The following TARBP1 variants were observed in gnomAD, a reference collection of about 807,000 sequenced individuals.
TARBP1 encodes the protein tRNA guanosine 2 -O-methyltransferase TARBP1, also known as tRNA (guanosine(18)-2'-O)-methyltransferase TARBP1.
A neutral mutation model predicts 178.6 loss-of-function variants in TARBP1; 144 were observed. The ratio of observed to expected loss-of-function variants is 0.81; its 90% CI spans 0.70 to 0.93. The LOEUF (loss-of-function observed/expected upper bound fraction) is 0.93. Ranked by LOEUF, TARBP1 falls within the 40% of genes least tolerant of loss-of-function variation. The probability of loss-of-function intolerance (pLI) is 0.00; values close to 1 mark genes in which losing one functional copy is unlikely to be tolerated. For synonymous variants in TARBP1, 787 were observed against 781.0 expected, an observed-to-expected ratio of 1.01 and a Z score of -0.13; for missense variants, 2,067 against 2,011.7, an observed-to-expected ratio of 1.03 and a Z score of -0.53.
At chr1:234,445,529 T>A (rs1666064668) in intron 12 of TARBP1, among the ~76,000 whole-genome samples, 1 of 152,112 alleles carries the variant, frequency 6.6e-6, no homozygotes, top group East Asian at 1.9e-4. Flanking sequence ...GTGGTGATGG[T>A]TTCAGGGGTG....
intron 17 of TARBP1, among the ~76,000 whole-genome samples, chr1:234,428,670 T>C (rs1479010245): frequency 6.6e-6 from 1 of 152,000 alleles, no homozygotes; most frequent in African/African-American, 2.4e-5. Context: ...CTCAGCCTCC[T>C]GAGTAGCTGG....
In TARBP1 at chr1:234,479,175, G is replaced by GGCCGGCCCCTGCGTGCGCACAGT; in HGVS notation, c.-73_-72insACTGTGCGCACGCAGGGGCCGGC. The GGCCGGCCCCTGCGTGCGCACAGT allele has an allele frequency of 7.4e-7, 1 of 1,350,782 alleles. No homozygotes were observed. The highest frequency in any genetic ancestry group is 1.5e-5 in the African/African-American group (1 of 65,388). 83.7% of individuals were successfully genotyped at this position (1,350,782 alleles called of 1,614,324 possible). On this transcript the variant is annotated 5_prime_UTR_variant, in exon 1 of 30. Transcript: ENST00000040877. ...CGGCGTGTGCGATGCGTGCGCACAG[G>GGCCGGCCCCTGCGTGCGCACAGT]ACCGGCCGGCCCCTACGTGCGCGTG...
intron 22 of TARBP1, among the ~76,000 whole-genome samples, chr1:234,415,207 G>A (rs1411477404): frequency 6.6e-6 from 1 of 152,078 alleles, no homozygotes; most frequent in Non-Finnish European, 1.5e-5. Context: ...TAGAAGACAG[G>A]CTGATAGCAA....
intron 13 of TARBP1, among the ~76,000 whole-genome samples, chr1:234,434,761 T>A (rs1184843467): frequency 6.6e-6 from 1 of 151,502 alleles, no homozygotes; most frequent in Non-Finnish European, 1.5e-5. Flanking sequence ...GGGGAGAGAA[T>A]GAGAAAAGAA....
intron 21 of TARBP1, among the ~76,000 whole-genome samples, chr1:234,419,928 G>GA: frequency 6.6e-6 from 1 of 152,238 alleles, no homozygotes; most frequent in East Asian, 1.9e-4. Flanking sequence ...AGATTGTAAA[G>GA]AAAGAGGCTA....
Position 234,410,478 on chromosome 1 carries a change from A to G in TARBP1, c.3759T>C (p.His1253=). ...GAATATTTTGAGTAATAATGTCTAA[A>G]TGTGATAAAACTGCTAAAAACGTAC... ...SICTFLAVLS[H]LDIITQNIPE... Residue 1253 remains histidine, a synonymous_variant, in exon 23 of 30, where the codon CAT becomes CAC. Transcript: ENST00000040877. 6.6e-7 allele frequency: 1 copy of G among 1,524,280 alleles called. No homozygotes were observed. The highest frequency in any genetic ancestry group is 9.0e-7 in the Non-Finnish European group (1 of 1,111,476). The allele number at this position is 1,524,280 out of a possible 1,614,324, so 94.4% of individuals were successfully genotyped here. A position where few individuals can be genotyped will look rare whatever the true frequency, so the allele number is the denominator to read the frequency against.
intron 25 of TARBP1, chr1:234,400,945 C>G: frequency 2.8e-6 from 1 of 352,592 alleles, no homozygotes; most frequent in Non-Finnish European, 5.2e-6. Flanking sequence ...AAGCCAGACA[C>G]TGCCTGAGAA....
intron 12 of TARBP1, among the ~76,000 whole-genome samples, chr1:234,439,874 G>A (rs1665418098): frequency 6.6e-6 from 1 of 151,990 alleles, no homozygotes; most frequent in South Asian, 2.1e-4. Context: ...CAAGGATATG[G>A]AACTAAAAAA....
At position 234,479,132 on chromosome 1, in the gene TARBP1, G is replaced by A. The variant is rs751879259; in HGVS notation, c.-29C>T. 5.3e-6 allele frequency: 8 copies of A among 1,502,250 alleles called. No homozygotes were observed. The highest frequency in any genetic ancestry group is 5.0e-5 in the South Asian group (4 of 79,650). The allele number at this position is 1,502,250 out of a possible 1,614,324, so 93.1% of individuals were successfully genotyped here. A position where few individuals can be genotyped will look rare whatever the true frequency, so the allele number is the denominator to read the frequency against. On this transcript the variant is annotated 5_prime_UTR_variant, in exon 1 of 30. Transcript: ENST00000040877. ...CCGAGCGCCCGCGCCACCGGCCCGG[G>A]CTCCCAAAGGAAGGCGCCGGCGTGT...
chr1:234,474,245 A>AAC (rs35976593), intron 1 of TARBP1, among the ~76,000 whole-genome samples: 15,165 of 81,208 alleles, frequency 0.19, 842 homozygotes, highest in South Asian at 0.26. Flanking sequence ...TTGTCTCTAA[A>AAC]ACACACACAC....
At position 234,391,455 on chromosome 1, in the gene TARBP1, T is replaced by A. The variant is rs1659354786; in HGVS notation, c.*122A>T. 4 of 1,173,616 alleles carry A rather than the reference T, an allele frequency of 3.4e-6. No individual in the cohort carries two copies. The highest frequency in any genetic ancestry group is 1.5e-5 in the African/African-American group (1 of 64,578). The allele number at this position is 1,173,616 out of a possible 1,614,324, so 72.7% of individuals were successfully genotyped here. A position where few individuals can be genotyped will look rare whatever the true frequency, so the allele number is the denominator to read the frequency against. Reference sequence around the variant, plus strand: ...TAAGGCACATGGCAAACTTTTGGCATTAAATTGCAAGAAAAAAGAAATACA... The same window carrying A: ...TAAGGCACATGGCAAACTTTTGGCAATAAATTGCAAGAAAAAAGAAATACA... On this transcript the variant is annotated 3_prime_UTR_variant, in exon 30 of 30. Coordinates refer to ENST00000040877, the MANE Select transcript of TARBP1 (RefSeq NM_005646.4).
chr1:234,410,493 TA>T lies in TARBP1; in HGVS notation c.3743del (p.Leu1248Ter). The T allele has an allele frequency of 6.5e-7, 1 of 1,528,048 alleles. No individual in the cohort carries two copies. Among genetic ancestry groups the T allele is most frequent in the Non-Finnish European group, 9.0e-7 (1 of 1,113,176 alleles). 94.7% of individuals were successfully genotyped at this position (1,528,048 alleles called of 1,614,324 possible). ...TAATGTCTAAATGTGATAAAACTGC[TA>T]AAAACGTACAAATGCTTGTTTTAAG... ...ENLKTSICTF[L>X]AVLSHLDIIT... is the part of the protein sequence containing the mutation. On this transcript the variant is annotated frameshift_variant, in exon 23 of 30. Coordinates refer to ENST00000040877, the MANE Select transcript of TARBP1 (RefSeq NM_005646.4). LOFTEE classifies it high-confidence loss of function.
At position 234,415,188 on chromosome 1, in the gene TARBP1, G is replaced by C. The variant is rs146451318; in HGVS notation, c.3705+2896C>G. On this transcript the variant is annotated intron_variant, in intron 22 of 29. Transcript: ENST00000040877. ...CAATGGGACCATTTGGCTAAGGAGAGACTGAGGATAGAAGACAGGCTGATA... is the reference window on the plus strand; with the variant it reads ...CAATGGGACCATTTGGCTAAGGAGACACTGAGGATAGAAGACAGGCTGATA... 7.6e-3 allele frequency among the ~76,000 whole-genome samples: 1,155 copies of C among 152,208 alleles called. 14 individuals are homozygous for C. Among genetic ancestry groups the C allele is most frequent in the Non-Finnish European group, 0.013 (907 of 68,004 alleles).
chr1:234,431,192 CCT>C (rs1365625385), intron 14 of TARBP1, among the ~76,000 whole-genome samples: 2 of 152,100 alleles, frequency 1.3e-5, no homozygotes, highest in Non-Finnish European at 2.9e-5. Flanking sequence ...ATTCCATACC[CCT>C]CTTTCACTCT....
At chr1:234,419,265 C>T (rs1006198687) in intron 21 of TARBP1, among the ~76,000 whole-genome samples, 4 of 152,134 alleles carry the variant, frequency 2.6e-5, no homozygotes, top group African/African-American at 7.2e-5. Flanking sequence ...CTATCTTACA[C>T]GAATTTCTAC....
At chr1:234,452,299 G>C (rs1204147149) in intron 9 of TARBP1, among the ~76,000 whole-genome samples, 1 of 152,096 alleles carries the variant, frequency 6.6e-6, no homozygotes, top group Admixed American at 6.5e-5. Context: ...GCCACAGACT[G>C]GGAGAAAATA....
At chr1:234,399,086 TACA>T (rs1242321562) in intron 25 of TARBP1, among the ~76,000 whole-genome samples, 2 of 152,232 alleles carry the variant, frequency 1.3e-5, no homozygotes, top group Non-Finnish European at 2.9e-5. Flanking sequence ...AAAATCAGAT[TACA>T]ACAACATATT....
Position 234,457,753 on chromosome 1 carries a change from T to C in TARBP1, c.1636A>G (p.Lys546Glu), listed in dbSNP as rs1667430993. The C allele has an allele frequency of 1.2e-6, 2 of 1,606,896 alleles. No individual in the cohort carries two copies. The highest frequency in any genetic ancestry group is 2.2e-5 in the East Asian group (1 of 44,646). ...GTTGAGACATCAGAAAGTGACACTT[T>C]CTCCTGGGCAGGGCAGGAAAGGTTT... ...QTAMNLLDVE[K>E]VSLSDVSTFL... The change falls in exon 9 of 30, where the codon AAA (lysine) becomes GAA (glutamate). Residue 546 changes from lysine to glutamate, a missense_variant. Transcript: ENST00000040877.
Position 234,478,464 on chromosome 1 carries a change from G to C in TARBP1, c.640C>G (p.Leu214Val), listed in dbSNP as rs1669794699. 4 of 1,382,950 alleles carry C rather than the reference G, an allele frequency of 2.9e-6. No homozygotes were observed. Among genetic ancestry groups the C allele is most frequent in the Non-Finnish European group, 9.4e-7 (1 of 1,064,978 alleles). The allele number at this position is 1,382,950 out of a possible 1,614,324, so 85.7% of individuals were successfully genotyped here. A position where few individuals can be genotyped will look rare whatever the true frequency, so the allele number is the denominator to read the frequency against. The change falls in exon 1 of 30, where the codon CTG becomes GTG. Residue 214 changes from leucine to valine, a missense_variant. Physicochemically the swap from Leu to Val is conservative, Grantham distance 32. Transcript: ENST00000040877. ...CCCAGGGACGCCCCAGGCGCGGCCA[G>C]CCCGCCCCACACGGCCCGCAGCGCC... Reference protein sequence around the residue: ...GAALRAVWGGLAAPGASLGSG... With the variant: ...GAALRAVWGGVAAPGASLGSG...
Sources: allele counts gnomAD v4.1 joint callset (sites outside exome capture counted in the v4.1 genomes callset), GRCh38; gene constraint gnomAD v4.1.1; transcripts MANE v1.5; gene names NCBI Gene and HGNC (gene_info 2026-07-23, HGNC 2026-07-21).